Variants in ZNF85 observed in about 807,000 individuals in gnomAD.
The protein encoded by ZNF85 is zinc finger protein 85.
In ZNF85, 50 loss-of-function variants were observed where a neutral mutation model predicts 53.9. That is an observed-to-expected ratio of 0.93 (90% CI 0.74 to 1.17). ZNF85 has a LOEUF of 1.17. Among genes scored for constraint, ZNF85 ranks in the 50% most tolerant of loss-of-function variants. The pLI is 0.00. For synonymous variants in ZNF85, 225 were observed against 226.1 expected (o/e 1.00, Z 0.04); for missense variants, 747 against 688.5 (o/e 1.08, Z -0.95).
intron 3 of ZNF85, among the ~76,000 whole-genome samples, chr19:20,935,802 G>C (rs988561993): frequency 2.4e-4 from 37 of 151,860 alleles, no homozygotes; most frequent in African/African-American, 8.5e-4. Context: ...CATGTGCCTT[G>C]GCCTCCCAAA....
At position 20,935,728 on chromosome 19, in the gene ZNF85, A is replaced by C. The variant is rs550079681; in HGVS notation, c.229+681A>C. Among the ~76,000 whole-genome samples the C allele has an allele frequency of 1.7e-3, 262 of 149,876 alleles. 1 individual carries two copies. Among genetic ancestry groups the C allele is most frequent in the African/African-American group, 6.2e-3 (253 of 40,650 alleles). On this transcript the variant is annotated intron_variant, in intron 3 of 3. Transcript: ENST00000328178. ...AATGGTGTGATCTCGGCTCACCGCA[A>C]CCTCTGCCTCAGGGTTTCTCAATGT... is the stretch of plus-strand genomic sequence containing the variant.
intron 3 of ZNF85, among the ~76,000 whole-genome samples, chr19:20,946,733 G>A (rs1973431714): frequency 6.6e-6 from 1 of 151,872 alleles, no homozygotes; most frequent in Non-Finnish European, 1.5e-5. Flanking sequence ...AAGATGTGTT[G>A]TGTAATATTA....
At chr19:20,932,850 C>T (rs1358561219) in intron 1 of ZNF85, among the ~76,000 whole-genome samples, 1 of 151,982 alleles carries the variant, frequency 6.6e-6, no homozygotes, top group Non-Finnish European at 1.5e-5. Flanking sequence ...GGAGCAGTAT[C>T]ACAGCCGTGA....
chr19:20,950,615 T>C lies in ZNF85; in HGVS notation c.*313T>C, dbSNP rs1599453393. On this transcript the variant is annotated 3_prime_UTR_variant, in exon 4 of 4. Coordinates refer to ENST00000328178, the MANE Select transcript of ZNF85 (RefSeq NM_003429.5). ...TTAGTTGAGAAAAAGTATACAAATATAAAGAATGTGGAAAAGCCGTTAATA... is the reference window on the plus strand; with the variant it reads ...TTAGTTGAGAAAAAGTATACAAATACAAAGAATGTGGAAAAGCCGTTAATA... 4 of 220,100 alleles carry C rather than the reference T, an allele frequency of 1.8e-5. No homozygotes were observed. The highest frequency in any genetic ancestry group is 6.8e-5 in the African/African-American group (3 of 44,112). The allele number at this position is 220,100 out of a possible 1,614,324, so 13.6% of individuals were successfully genotyped here.
At chr19:20,941,949 A>G (rs1314080530) in intron 3 of ZNF85, among the ~76,000 whole-genome samples, 1 of 152,228 alleles carries the variant, frequency 6.6e-6, no homozygotes, top group Admixed American at 6.5e-5. Flanking sequence ...TATGTGGTTC[A>G]AGGATATAAT....
At chr19:20,943,240 T>C (rs35877658) in intron 3 of ZNF85, 27,135 of 176,578 alleles carry the variant, frequency 0.15, 2,092 homozygotes, top group South Asian at 0.24. Flanking sequence ...CTTCAAATCT[T>C]ATGCTGCAAT....
At chr19:20,929,415 C>T (rs1373218129) in intron 1 of ZNF85, among the ~76,000 whole-genome samples, 1 of 152,096 alleles carries the variant, frequency 6.6e-6, no homozygotes, top group Non-Finnish European at 1.5e-5. Context: ...TCTCAAACTC[C>T]TGACCTTGTG....
chr19:20,947,559 C>G (rs73021512), intron 3 of ZNF85, among the ~76,000 whole-genome samples: 16,600 of 122,376 alleles, frequency 0.14, 1,004 homozygotes, highest in Middle Eastern at 0.23. Flanking sequence ...GTTCCCTTCT[C>G]GCTTGCAAAA....
intron 1 of ZNF85, 37 bp downstream of exon 1, chr19:20,923,440 G>T: frequency 6.2e-7 from 1 of 1,613,820 alleles, no homozygotes; most frequent in Non-Finnish European, 8.5e-7. Context: ...AGGGGGAAAG[G>T]GGTTGGTTGA....
At chr19:20,925,940 G>GA (rs1568544173) in intron 1 of ZNF85, among the ~76,000 whole-genome samples, 3 of 152,170 alleles carry the variant, frequency 2.0e-5, no homozygotes, top group Admixed American at 2.0e-4. Context: ...GTGGGTTTTA[G>GA]AAAAAAATTA....
chr19:20,932,104 A>G (rs1228176235), intron 1 of ZNF85, among the ~76,000 whole-genome samples: 1 of 152,210 alleles, frequency 6.6e-6, no homozygotes, highest in African/African-American at 2.4e-5. Context: ...GTCTGGTGGT[A>G]GCAGATGAGC....
At position 20,948,782 on chromosome 19, in the gene ZNF85, C is replaced by G. The variant is rs1973483292; in HGVS notation, c.268C>G (p.Gln90Glu). ...SHFAQDLWPE[Q>E]NIKDSFQKVT... ...TTTTGCCCAAGACCTTTGGCCGGAGCAGAATATAAAAGATTCTTTCCAAAA... is the reference window on the plus strand; with the variant it reads ...TTTTGCCCAAGACCTTTGGCCGGAGGAGAATATAAAAGATTCTTTCCAAAA... The change falls in exon 4 of 4, where the codon CAG (glutamine) becomes GAG (glutamate). Residue 90 changes from glutamine to glutamate, a missense_variant. Physicochemically the swap from Gln to Glu is conservative, Grantham distance 29 (BLOSUM62 2). Coordinates refer to ENST00000328178, the MANE Select transcript of ZNF85 (RefSeq NM_003429.5). The G allele has an allele frequency of 6.3e-7, 1 of 1,597,160 alleles. No homozygotes were observed. Among genetic ancestry groups the G allele is most frequent in the African/African-American group, 1.4e-5 (1 of 74,068 alleles).
chr19:20,945,417 CTT>C (rs942948259), intron 3 of ZNF85: 7 of 152,106 alleles, frequency 4.6e-5, no homozygotes, highest in African/African-American at 1.4e-4. Flanking sequence ...GTCATCAAAA[CTT>C]ATATTTACAG....
At chr19:20,947,831 C>T (rs1195781466) in intron 3 of ZNF85, among the ~76,000 whole-genome samples, 14 of 151,310 alleles carry the variant, frequency 9.3e-5, no homozygotes, top group Non-Finnish European at 1.6e-4. Flanking sequence ...TGTTGTTATC[C>T]TCATTCTTCT....
Position 20,948,841 on chromosome 19 carries a change from T to G in ZNF85, c.327T>G (p.His109Gln). The G allele has an allele frequency of 6.2e-7, 1 of 1,613,080 alleles. No homozygotes were observed. Among genetic ancestry groups the G allele is most frequent in the Middle Eastern group, 1.7e-4 (1 of 6,056 alleles). Residue 109 changes from histidine (H) to glutamine (Q), a missense_variant, in exon 4 of 4, where the codon CAT (histidine) becomes CAG (glutamine). Coordinates refer to ENST00000328178, the MANE Select transcript of ZNF85 (RefSeq NM_003429.5). ...TGAAAAGATATGGAAAATGTAGACA[T>G]GAAAATTTACCATTAAGAAAAGGCT... ...VTLKRYGKCR[H>Q]ENLPLRKGCE...
intron 3 of ZNF85, among the ~76,000 whole-genome samples, chr19:20,941,394 C>T (rs1973291925): frequency 6.6e-6 from 1 of 152,168 alleles, no homozygotes; most frequent in African/African-American, 2.4e-5. Context: ...TCCTGAGTAG[C>T]TGGGATTACA....
At chr19:20,941,782 C>T (rs532573174) in intron 3 of ZNF85, among the ~76,000 whole-genome samples, 1 of 149,412 alleles carries the variant, frequency 6.7e-6, no homozygotes, top group Non-Finnish European at 1.5e-5. Context: ...TTCTTTGATG[C>T]GCAGAAACTT....
chr19:20,946,363 G>T, intron 3 of ZNF85: 3 of 424,382 alleles, frequency 7.1e-6, no homozygotes, highest in Admixed American at 2.6e-5. Flanking sequence ...ATGTTACTGA[G>T]GAGTGTTCTC....
intron 3 of ZNF85, among the ~76,000 whole-genome samples, chr19:20,941,824 TTTC>T (rs1489150963): frequency 6.6e-6 from 1 of 152,228 alleles, no homozygotes; most frequent in East Asian, 1.9e-4. Flanking sequence ...TTTACTGTCT[TTTC>T]TTTGTTGCTC....
Sources: allele counts gnomAD v4.1 joint callset (sites outside exome capture counted in the v4.1 genomes callset), GRCh38; gene constraint gnomAD v4.1.1; transcripts MANE v1.5; gene names NCBI Gene and HGNC (gene_info 2026-07-23, HGNC 2026-07-21).